The following PXDNL variants were observed in gnomAD, a reference collection of about 807,000 sequenced individuals.
The protein encoded by PXDNL is peroxidasin like.
A neutral mutation model predicts 150.8 loss-of-function variants in PXDNL; 145 were observed. The observed-to-expected ratio is 0.96, with a 90% CI of 0.84 to 1.10. The LOEUF (loss-of-function observed/expected upper bound fraction) is 1.10. PXDNL is among the 50% of genes least tolerant of loss of function. The pLI is 0.00. For synonymous variants in PXDNL, 757 were observed against 725.7 expected (o/e 1.04, Z -0.69); for missense variants, 2,087 against 1,873.9 (o/e 1.11, Z -2.10).
chr8:51,369,653 T>A (rs201330893), intron 19 of PXDNL, among the ~76,000 whole-genome samples: 9 of 149,082 alleles, frequency 6.0e-5, no homozygotes, highest in African/African-American at 5.0e-5. Flanking sequence ...TATAGTGCCA[T>A]AAAAAAAAAA....
rs761006289 is a variant in PXDNL, at chr8:51,457,499, T to C, written c.981A>G (p.Pro327=). The part of the protein sequence containing the change: ...QSAMLRYSSL[P]AKPSFVIQPQ... ...AGAACTAGAAAATAATAGTTTTACC[T>C]GGAAGACTGGAGTATCTGAGCATGG... Residue 327 remains proline (P), a splice_region_variant and synonymous_variant, in exon 9 of 23, where the codon CCA becomes CCG. Transcript: ENST00000356297. The C allele has an allele frequency of 1.2e-6, 2 of 1,604,502 alleles. No homozygotes were observed. Among genetic ancestry groups the C allele is most frequent in the Non-Finnish European group, 1.7e-6 (2 of 1,176,320 alleles).
intron 2 of PXDNL, among the ~76,000 whole-genome samples, chr8:51,600,374 T>C (rs1813676686): frequency 7.8e-6 from 1 of 128,664 alleles, no homozygotes; most frequent in African/African-American, 3.0e-5. Flanking sequence ...CTTGTATAAA[T>C]TATATCGTTT....
rs115019121 is a variant in PXDNL, at chr8:51,800,064, G to T, written c.164+9117C>A. ...AAAAGTAGTCATCAACACAGGTGAG[G>T]TAGTAAGTGAGGCTTACAACTAAAA... On this transcript the variant is annotated intron_variant, in intron 1 of 22. Transcript: ENST00000356297. Among the ~76,000 whole-genome samples, 501 of 152,206 alleles carry T rather than the reference G, an allele frequency of 3.3e-3. 1 individual carries two copies. The highest frequency in any genetic ancestry group is 0.011 in the African/African-American group (442 of 41,532).
At chr8:51,566,881 T>C (rs1812840606) in intron 3 of PXDNL, among the ~76,000 whole-genome samples, 1 of 151,608 alleles carries the variant, frequency 6.6e-6, no homozygotes, top group South Asian at 2.1e-4. Flanking sequence ...GAAGTCTAGA[T>C]TATTGATTTT....
rs1197735639 is a variant in PXDNL, at chr8:51,447,132, G to A, written c.1397C>T (p.Thr466Ile). ...TCTCAAAGTGCCAGAGGAGAGAACT[G>A]TATGCTGGCCTTCCACAGGGAGCTG... Reference protein sequence around the residue: ...GGQLPVEGQHTVLSSGTLRID... With the variant: ...GGQLPVEGQHIVLSSGTLRID... The change falls in exon 12 of 23, where the codon ACA becomes ATA. Residue 466 changes from threonine to isoleucine, a missense_variant. Transcript: ENST00000356297. 1.2e-6 allele frequency: 2 copies of A among 1,613,906 alleles called. No homozygotes were observed. The highest frequency in any genetic ancestry group is 1.1e-5 in the South Asian group (1 of 91,074).
At position 51,319,942 on chromosome 8, in the gene PXDNL, A is replaced by ACAG. The variant is rs760370959; in HGVS notation, c.4338_4340dup (p.Cys1447dup). ...GCATTCCTCGGTCTCTGCAAACTGG[A>ACAG]CAGCAGGTTCCTTTCACCAATTCAG... On this transcript the variant is annotated inframe_insertion, in exon 23 of 23. Coordinates refer to ENST00000356297, the MANE Select transcript of PXDNL (RefSeq NM_144651.5). The ACAG allele has an allele frequency of 6.3e-7, 1 of 1,578,812 alleles. No individual in the cohort carries two copies. Among genetic ancestry groups the ACAG allele is most frequent in the Admixed American group, 1.9e-5 (1 of 53,926 alleles).
intron 13 of PXDNL, among the ~76,000 whole-genome samples, chr8:51,425,219 G>A (rs999586505): frequency 8.5e-5 from 13 of 152,196 alleles, no homozygotes; most frequent in African/African-American, 2.9e-4. Context: ...ATGGTAGGGC[G>A]TTTCTATCGC....
At chr8:51,361,567 C>A (rs1806738331) in intron 19 of PXDNL, among the ~76,000 whole-genome samples, 1 of 152,112 alleles carries the variant, frequency 6.6e-6, no homozygotes, top group African/African-American at 2.4e-5. Context: ...CTGGAAGCAG[C>A]AAACACTTAT....
At chr8:51,801,119 A>T (rs2037614439) in intron 1 of PXDNL, among the ~76,000 whole-genome samples, 1 of 152,194 alleles carries the variant, frequency 6.6e-6, no homozygotes, top group African/African-American at 2.4e-5. Context: ...AATATTAAAT[A>T]TTAAGACCCT....
At chr8:51,534,120 G>A (rs1360173673) in intron 4 of PXDNL, among the ~76,000 whole-genome samples, 1 of 142,044 alleles carries the variant, frequency 7.0e-6, no homozygotes, top group Non-Finnish European at 1.5e-5. Context: ...GATGTGGGGA[G>A]CACCTCTGCC....
At chr8:51,416,880 A>G (rs1250248386) in intron 14 of PXDNL, among the ~76,000 whole-genome samples, 1 of 152,220 alleles carries the variant, frequency 6.6e-6, no homozygotes, top group Non-Finnish European at 1.5e-5. Context: ...TCAAACAAAA[A>G]CATTCTTGAT....
intron 17 of PXDNL, among the ~76,000 whole-genome samples, chr8:51,385,745 T>C (rs1411773295): frequency 6.6e-6 from 1 of 152,186 alleles, no homozygotes; most frequent in East Asian, 1.9e-4. Context: ...AACTGAATCA[T>C]AGGGTGGTTT....
At chr8:51,430,419 C>T (rs1305153285) in intron 12 of PXDNL, among the ~76,000 whole-genome samples, 1 of 152,198 alleles carries the variant, frequency 6.6e-6, no homozygotes, top group African/African-American at 2.4e-5. Context: ...CATTTCCTGA[C>T]TAGAGGTGAC....
chr8:51,544,868 T>C (rs756348038), intron 4 of PXDNL, among the ~76,000 whole-genome samples: 1 of 151,962 alleles, frequency 6.6e-6, no homozygotes, highest in Non-Finnish European at 1.5e-5. Context: ...TAATTTAAAA[T>C]GGATGATGTA....
At chr8:51,661,946 A>G (rs558007442) in intron 1 of PXDNL, among the ~76,000 whole-genome samples, 2 of 152,228 alleles carry the variant, frequency 1.3e-5, no homozygotes, top group East Asian at 1.9e-4. Flanking sequence ...AAAGGCTTCA[A>G]AGAAGACACT....
At chr8:51,323,997 C>T (rs140390092) in intron 21 of PXDNL, among the ~76,000 whole-genome samples, 141 of 151,592 alleles carry the variant, frequency 9.3e-4, no homozygotes, top group African/African-American at 2.8e-3. Flanking sequence ...AAATACAGTG[C>T]GTGGCACTTT....
rs1192691886 is a variant in PXDNL, at chr8:51,320,783, C to T, written c.4260+1G>A. 1 of 1,610,738 alleles carries T rather than the reference C, an allele frequency of 6.2e-7. No homozygotes were observed. Among genetic ancestry groups the T allele is most frequent in the Non-Finnish European group, 8.5e-7 (1 of 1,177,480 alleles). Reference sequence around the variant, plus strand: ...TGGACTGGAAAACTCGCAGCACAAACCTCACAAATGCAGTGAGTGCAGTCT... The same window carrying T: ...TGGACTGGAAAACTCGCAGCACAAATCTCACAAATGCAGTGAGTGCAGTCT... On this transcript the variant is annotated splice_donor_variant, in intron 22 of 22. Coordinates refer to ENST00000356297, the MANE Select transcript of PXDNL (RefSeq NM_144651.5). LOFTEE classifies it high-confidence loss of function.
At chr8:51,649,822 C>A (rs1814996903) in intron 2 of PXDNL, among the ~76,000 whole-genome samples, 1 of 151,994 alleles carries the variant, frequency 6.6e-6, no homozygotes. Flanking sequence ...AAAATCCAGG[C>A]CAGGCATGGT....
chr8:51,687,774 C>G (rs573581974), intron 1 of PXDNL, among the ~76,000 whole-genome samples: 1 of 152,294 alleles, frequency 6.6e-6, no homozygotes, highest in South Asian at 2.1e-4. Context: ...TGGAGCTGTC[C>G]TAGTGAAGAA....
Sources: allele counts gnomAD v4.1 joint callset (sites outside exome capture counted in the v4.1 genomes callset), GRCh38; gene constraint gnomAD v4.1.1; transcripts MANE v1.5; gene names NCBI Gene and HGNC (gene_info 2026-07-23, HGNC 2026-07-21).